FGGY: variants seen among roughly 807,000 people sequenced by gnomAD.
FGGY encodes the protein FGGY carbohydrate kinase domain-containing protein.
A neutral mutation model predicts 71.3 loss-of-function variants in FGGY; 72 were observed. The ratio of observed to expected loss-of-function variants is 1.01; its 90% CI spans 0.84 to 1.23. The LOEUF (loss-of-function observed/expected upper bound fraction) is 1.23, where lower values mean the gene tolerates loss of function less well. Among genes scored for constraint, FGGY ranks in the 50% most tolerant of loss-of-function variants. The pLI, the probability that FGGY is intolerant of heterozygous loss-of-function variation, is 0.00. For synonymous variants in FGGY, 251 were observed against 250.3 expected, an observed-to-expected ratio of 1.00 and a Z score of -0.02; for missense variants, 668 against 682.3, an observed-to-expected ratio of 0.98 and a Z score of 0.23.
intron 11 of FGGY, among the ~76,000 whole-genome samples, chr1:59,656,900 T>C (rs1020946361): frequency 6.6e-6 from 1 of 152,240 alleles, no homozygotes; most frequent in South Asian, 2.1e-4. Context: ...CTCAATTACA[T>C]TGATTATATC....
rs79325063 is a variant in FGGY, at chr1:59,440,523, T to A, written c.555-16438T>A. Among the ~76,000 whole-genome samples the A allele has an allele frequency of 4.1e-3, 622 of 151,718 alleles. 3 individuals are homozygous for A. The highest frequency in any genetic ancestry group is 0.014 in the African/African-American group (579 of 41,300). ...TCAAAGTAGTCTTCCTATGCAAAAA[T>A]AAAATAGATATTTATGTATGTGGTA... On this transcript the variant is annotated intron_variant, in intron 5 of 15. Transcript: ENST00000303721.
Position 59,721,632 on chromosome 1 carries a change from C to T in FGGY, c.1513-36299C>T, listed in dbSNP as rs138772538. ...GGATTACAGGCATAAGCCACCACACCCAGCAGATACAGAGAGTTTTTCTAA... is the reference window on the plus strand; with the variant it reads ...GGATTACAGGCATAAGCCACCACACTCAGCAGATACAGAGAGTTTTTCTAA... On this transcript the variant is annotated intron_variant, in intron 14 of 15. Coordinates refer to ENST00000303721, the MANE Select transcript of FGGY (RefSeq NM_018291.5). Among the ~76,000 whole-genome samples, 339 of 151,902 alleles carry T rather than the reference C, an allele frequency of 2.2e-3. 1 individual carries two copies. The highest frequency in any genetic ancestry group is 7.4e-3 in the African/African-American group (305 of 41,286).
At chr1:59,379,184 CACACACACAG>C (rs2059067955) in intron 5 of FGGY, among the ~76,000 whole-genome samples, 1 of 151,916 alleles carries the variant, frequency 6.6e-6, no homozygotes, top group African/African-American at 2.4e-5. Flanking sequence ...CACACACACA[CACACACACAG>C]AGTCACGCAT....
rs114269048 is a variant in FGGY at position 59,539,293 on chromosome 1, G to A, written c.800-14831G>A. ...TGGTAGACATCCTAAAACTTAGATG[G>A]AAAGGATCAATAATAAGACAGTCTT... On this transcript the variant is annotated intron_variant, in intron 7 of 15. Coordinates refer to ENST00000303721, the MANE Select transcript of FGGY (RefSeq NM_018291.5). Among the ~76,000 whole-genome samples the A allele has an allele frequency of 2.8e-3, 429 of 152,276 alleles. 1 individual carries two copies. Among genetic ancestry groups the A allele is most frequent in the African/African-American group, 9.7e-3 (404 of 41,566 alleles).
intron 14 of FGGY, among the ~76,000 whole-genome samples, chr1:59,735,523 T>C (rs2897708): frequency 0.32 from 49,055 of 152,116 alleles, 8,902 homozygotes; most frequent in Middle Eastern, 0.46. Flanking sequence ...TGCACAGAGG[T>C]AACCAACATT....
intron 4 of FGGY, among the ~76,000 whole-genome samples, chr1:59,373,969 A>G (rs1392963586): frequency 2.0e-5 from 3 of 152,234 alleles, no homozygotes; most frequent in South Asian, 2.1e-4. Context: ...AACCCAGGCA[A>G]TACCATTCAG....
chr1:59,336,137 A>T (rs61788346), intron 2 of FGGY, among the ~76,000 whole-genome samples: 29,020 of 151,894 alleles, frequency 0.19, 3,354 homozygotes, highest in East Asian at 0.35. Flanking sequence ...TAGGGATGTG[A>T]TATGTTTTGA....
chr1:59,395,290 C>T (rs1211909017), intron 5 of FGGY, among the ~76,000 whole-genome samples: 2 of 151,870 alleles, frequency 1.3e-5, no homozygotes, highest in East Asian at 3.9e-4. Context: ...TTTTTTCATA[C>T]CATTATATTT....
intron 7 of FGGY, among the ~76,000 whole-genome samples, chr1:59,546,492 G>GGATGAT (rs371455666): frequency 7.8e-5 from 9 of 115,406 alleles, no homozygotes; most frequent in Non-Finnish European, 1.2e-4. Context: ...TTAAAGCATA[G>GGATGAT]GATGATGATG....
chr1:59,662,744 A>G (rs1013527898), intron 12 of FGGY, among the ~76,000 whole-genome samples: 1 of 152,188 alleles, frequency 6.6e-6, no homozygotes, highest in Non-Finnish European at 1.5e-5. Flanking sequence ...CCCAGGTGCA[A>G]TAGGCCATAC....
chr1:59,745,588 C>T (rs1397753632), intron 14 of FGGY, among the ~76,000 whole-genome samples: 1 of 152,214 alleles, frequency 6.6e-6, no homozygotes, highest in Non-Finnish European at 1.5e-5. Context: ...TCTTGAGTTG[C>T]AGTCTCCCAT....
At chr1:59,312,038 G>A (rs1457000492) in intron 1 of FGGY, among the ~76,000 whole-genome samples, 4 of 152,152 alleles carry the variant, frequency 2.6e-5, no homozygotes, top group African/African-American at 9.7e-5. Context: ...TGTTGGCTGC[G>A]TAAATGGTCT....
At chr1:59,600,982 C>CTTT (rs377505663) in intron 8 of FGGY, among the ~76,000 whole-genome samples, 8,143 of 126,924 alleles carry the variant, frequency 0.064, 541 homozygotes, top group African/African-American at 0.16. Context: ...ATTCTCTATG[C>CTTT]TTTTTTTTTT....
intron 4 of FGGY, among the ~76,000 whole-genome samples, chr1:59,352,478 T>C (rs1426332034): frequency 6.6e-6 from 1 of 152,228 alleles, no homozygotes; most frequent in Non-Finnish European, 1.5e-5. Context: ...ATTTTGTTGA[T>C]GGATTCAGGA....
intron 5 of FGGY, among the ~76,000 whole-genome samples, chr1:59,443,654 A>G (rs1370722201): frequency 6.6e-6 from 1 of 152,192 alleles, no homozygotes; most frequent in East Asian, 1.9e-4. Context: ...CCTTATACAC[A>G]CTGTGTTGTC....
intron 14 of FGGY, among the ~76,000 whole-genome samples, chr1:59,682,604 G>A (rs908741801): frequency 6.6e-6 from 1 of 152,158 alleles, no homozygotes; most frequent in Non-Finnish European, 1.5e-5. Flanking sequence ...GAAGAAAAGG[G>A]CTGCACTGTT....
At chr1:59,638,141 C>G in intron 10 of FGGY, 87 bp from the exon 11 acceptor site, 2 of 1,348,292 alleles carry the variant, frequency 1.5e-6, no homozygotes, top group East Asian at 4.6e-5. Flanking sequence ...TTTCCTGGAT[C>G]TGGAAGTACA....
At chr1:59,353,063 G>A (rs2053605391) in intron 4 of FGGY, among the ~76,000 whole-genome samples, 4 of 152,166 alleles carry the variant, frequency 2.6e-5, no homozygotes, top group Admixed American at 2.6e-4. Flanking sequence ...ATACAGAAAA[G>A]TACAGGATTT....
chr1:59,377,721 C>T (rs190169254), intron 4 of FGGY, among the ~76,000 whole-genome samples: 69 of 152,144 alleles, frequency 4.5e-4, no homozygotes, highest in African/African-American at 1.6e-3. Flanking sequence ...TGGAAACCCC[C>T]TCAAGGAATG....
Sources: gnomAD v4.1 joint callset for allele counts (sites outside exome capture counted in the v4.1 genomes callset) on GRCh38, gnomAD v4.1.1 for gene constraint, MANE v1.5 for transcripts, NCBI Gene and HGNC (gene_info 2026-07-23, HGNC 2026-07-21) for gene names.